IGLL5: variants seen among roughly 807,000 people sequenced by gnomAD.
The protein encoded by IGLL5 is immunoglobulin lambda like polypeptide 5.
A neutral mutation model predicts 20.9 loss-of-function variants in IGLL5; 30 were observed. The ratio of observed to expected loss-of-function variants is 1.44; its 90% CI spans 1.07 to 1.95. The LOEUF is 1.95. Among genes scored for constraint, IGLL5 ranks in the 30% most tolerant of loss-of-function variants. The probability of loss-of-function intolerance (pLI) is 0.00; values close to 1 mark genes in which losing one functional copy is unlikely to be tolerated. For synonymous variants in IGLL5, 203 were observed against 117.3 expected (o/e 1.73, Z -4.72); for missense variants, 475 against 270.7 (o/e 1.75, Z -5.30).
intron 2 of IGLL5, among the ~76,000 whole-genome samples, chr22:22,894,400 G>C (rs1171160634): frequency 6.6e-6 from 1 of 151,480 alleles, no homozygotes; most frequent in Non-Finnish European, 1.5e-5. Flanking sequence ...TGAGGACATG[G>C]GGACACAGAG....
At chr22:22,888,899 C>A (rs530205376) in intron 1 of IGLL5, among the ~76,000 whole-genome samples, 1 of 151,362 alleles carries the variant, frequency 6.6e-6, no homozygotes, top group African/African-American at 2.4e-5. Flanking sequence ...AGGCTGGTCT[C>A]ACAGATCGAG....
rs568576468 is a variant in IGLL5 at position 22,895,172 on chromosome 22, T to C, written c.326-203T>C. ...GGCCAGGACACCTGTGAAAGGTGAC[T>C]TGGGAGGGCTCCTAGGAAGGCACAG... On this transcript the variant is annotated intron_variant, in intron 2 of 2. Coordinates refer to ENST00000526893, the MANE Select transcript of IGLL5 (RefSeq NM_001178126.2). Among the ~76,000 whole-genome samples the C allele has an allele frequency of 1.1e-4, 17 of 151,232 alleles. No individual in the cohort carries two copies. The East Asian group carries it at 1.6e-3, about 14-fold the overall frequency.
intron 1 of IGLL5, among the ~76,000 whole-genome samples, chr22:22,890,027 G>A (rs758695025): frequency 2.7e-5 from 4 of 150,922 alleles, no homozygotes; most frequent in African/African-American, 4.9e-5. Flanking sequence ...TTCTGGTTTT[G>A]TGAAGTTGTT....
chr22:22,888,672 G>T (rs545845316), intron 1 of IGLL5, among the ~76,000 whole-genome samples: 3 of 151,294 alleles, frequency 2.0e-5, no homozygotes, highest in East Asian at 2.0e-4. Context: ...CCCAGTGAGG[G>T]CAGGGGCCAC....
In IGLL5 at chr22:22,893,849, C is replaced by T. The variant is rs376175442; in HGVS notation, c.325+31C>T. On this transcript the variant is annotated intron_variant, in intron 2 of 2. Transcript: ENST00000526893. ...TGGCTCTCAACCTTTCCCAGCCTGT[C>T]TCACCCTCTGCTGTCCCTGGAAAAT... The T allele has an allele frequency of 5.7e-6, 8 of 1,401,320 alleles. 1 individual carries two copies. Among genetic ancestry groups the T allele is most frequent in the Admixed American group, 3.4e-5 (2 of 59,578 alleles). The allele number at this position is 1,401,320 out of a possible 1,614,324, so 86.8% of individuals were successfully genotyped here.
At chr22:22,894,480 T>C (rs539583266) in intron 2 of IGLL5, among the ~76,000 whole-genome samples, 3 of 151,320 alleles carry the variant, frequency 2.0e-5, no homozygotes, top group Admixed American at 2.0e-4. Context: ...GGAGACAGTC[T>C]CTTAGGGCAG....
intron 1 of IGLL5, among the ~76,000 whole-genome samples, chr22:22,888,753 A>C (rs528170285): frequency 3.3e-5 from 5 of 151,174 alleles, no homozygotes; most frequent in South Asian, 4.2e-4. Flanking sequence ...TTGCACATAA[A>C]TGCTTACTGG....
chr22:22,895,301 T>C (rs552878967), intron 2 of IGLL5, 74 bp from the exon 3 acceptor site: 193 of 1,397,506 alleles, frequency 1.4e-4, no homozygotes, highest in South Asian at 5.0e-4. Flanking sequence ...CCAGAGACTT[T>C]AGACAGAGAG....
chr22:22,887,887 G>C lies in IGLL5; in HGVS notation c.-167G>C. On this transcript the variant is annotated 5_prime_UTR_variant, in exon 1 of 3. Coordinates refer to ENST00000526893, the MANE Select transcript of IGLL5 (RefSeq NM_001178126.2). Reference sequence around the variant, plus strand: ...CCAGGGGTGACAGCCATGGACCCTGGAAGGGCCTGGGCTAGGGACAGGGAC... The same window carrying C: ...CCAGGGGTGACAGCCATGGACCCTGCAAGGGCCTGGGCTAGGGACAGGGAC... 1.5e-6 allele frequency: 1 copy of C among 668,154 alleles called. No individual in the cohort carries two copies. Among genetic ancestry groups the C allele is most frequent in the Non-Finnish European group, 2.7e-6 (1 of 368,158 alleles). 41.4% of individuals were successfully genotyped at this position (668,154 alleles called of 1,614,324 possible). A position where few individuals can be genotyped will look rare whatever the true frequency, so the allele number is the denominator to read the frequency against.
At chr22:22,894,674 G>A (rs1244962201) in intron 2 of IGLL5, among the ~76,000 whole-genome samples, 1 of 151,426 alleles carries the variant, frequency 6.6e-6, no homozygotes, top group African/African-American at 2.4e-5. Context: ...GGCTGCTGGG[G>A]TGGGCCTGGG....
At chr22:22,894,046 A>C (rs563385565) in intron 2 of IGLL5, among the ~76,000 whole-genome samples, 2 of 150,922 alleles carry the variant, frequency 1.3e-5, no homozygotes, top group Admixed American at 6.6e-5. Flanking sequence ...CTGAGCTGGG[A>C]TTGGGCAGGG....
At chr22:22,895,319 C>T (rs1392410440) in intron 2 of IGLL5, 56 bp from the exon 3 acceptor site, 3 of 1,511,496 alleles carry the variant, frequency 2.0e-6, no homozygotes, top group Non-Finnish European at 2.7e-6. Flanking sequence ...GAGAGGGGCT[C>T]CACAACACCC....
intron 2 of IGLL5, among the ~76,000 whole-genome samples, chr22:22,894,123 G>C (rs2067985177): frequency 6.6e-6 from 1 of 151,400 alleles, no homozygotes; most frequent in Admixed American, 6.6e-5. Context: ...CTGATGAGGG[G>C]CCCTGCAGTG....
intron 2 of IGLL5, 98 bp downstream of exon 2, chr22:22,893,916 GCCTTAAGCACTGAC>G: frequency 1.2e-6 from 1 of 865,210 alleles, no homozygotes; most frequent in Admixed American, 1.8e-5. Context: ...TGTCCTCCCA[GCCTTAAGCACTGAC>G]CCTTACCTTT....
chr22:22,888,851 A>T (rs560916144), intron 1 of IGLL5, among the ~76,000 whole-genome samples: 1 of 151,396 alleles, frequency 6.6e-6, no homozygotes, highest in African/African-American at 2.4e-5. Flanking sequence ...TGTTTGGAGC[A>T]ATAAAGGGAG....
chr22:22,895,650 G>A lies in IGLL5; in HGVS notation c.601G>A (p.Gly201Arg). The A allele has an allele frequency of 6.2e-7, 1 of 1,613,330 alleles. No homozygotes were observed. The highest frequency in any genetic ancestry group is 8.5e-7 in the Non-Finnish European group (1 of 1,179,774). The stretch of plus-strand genomic sequence containing the variant: ...CTACAGCTGCCAGGTCACGCATGAA[G>A]GGAGCACCGTGGAGAAGACAGTGGC... ...RSYSCQVTHE[G>R]STVEKTVAPT... The change falls in exon 3 of 3, where the codon GGG (glycine) becomes AGG (arginine). Residue 201 changes from glycine (G) to arginine (R), a missense_variant. Gly to Arg is a moderately radical substitution (Grantham distance 125). Coordinates refer to ENST00000526893, the MANE Select transcript of IGLL5 (RefSeq NM_001178126.2).
intron 1 of IGLL5, among the ~76,000 whole-genome samples, chr22:22,890,569 G>C (rs1390949685): frequency 1.7e-5 from 2 of 121,072 alleles, no homozygotes; most frequent in Admixed American, 1.7e-4. Flanking sequence ...GTGTGTGTGT[G>C]TGTGTGTGTG....
At chr22:22,894,714 AG>A (rs2066687129) in intron 2 of IGLL5, among the ~76,000 whole-genome samples, 1 of 151,396 alleles carries the variant, frequency 6.6e-6, no homozygotes, top group African/African-American at 2.4e-5. Context: ...CTGTGGGAGC[AG>A]CCCCAGGAAC....
chr22:22,894,876 G>A (rs544454636), intron 2 of IGLL5, among the ~76,000 whole-genome samples: 10 of 151,482 alleles, frequency 6.6e-5, no homozygotes, highest in South Asian at 2.1e-4. Flanking sequence ...GCCTGTGAGG[G>A]ATAGGAAGCT....
Sources: allele counts gnomAD v4.1 joint callset (sites outside exome capture counted in the v4.1 genomes callset), GRCh38; gene constraint gnomAD v4.1.1; transcripts MANE v1.5; gene names NCBI Gene and HGNC (gene_info 2026-07-23, HGNC 2026-07-21).